The following RBFOX1 variants were observed in gnomAD, a reference collection of about 807,000 sequenced individuals.
The protein encoded by RBFOX1 is RNA binding fox-1 homolog 1, also known as RNA binding protein fox-1 homolog 1.
RBFOX1 carries 8 observed loss-of-function variants against 57.7 expected under a neutral mutation model. The observed-to-expected ratio is 0.14, with a 90% CI of 0.08 to 0.25. The LOEUF is 0.25. Ranked by LOEUF, RBFOX1 falls within the 10% of genes least tolerant of loss-of-function variation. The pLI, the probability that RBFOX1 is intolerant of heterozygous loss-of-function variation, is 1.00. For missense variants in RBFOX1, 611 were observed against 548.5 expected (o/e 1.11, Z -1.14); for synonymous variants, 326 against 222.4 (o/e 1.47, Z -4.15).
intron 4 of RBFOX1, among the ~76,000 whole-genome samples, chr16:7,246,955 C>G (rs2094326993): frequency 6.6e-6 from 1 of 152,136 alleles, no homozygotes; most frequent in Non-Finnish European, 1.5e-5. Flanking sequence ...AACAGTGTCT[C>G]CCACATTAGG....
chr16:7,023,701 G>T (rs994973093), intron 3 of RBFOX1, among the ~76,000 whole-genome samples: 3 of 151,760 alleles, frequency 2.0e-5, no homozygotes, highest in African/African-American at 7.3e-5. Context: ...AATCAGAGAT[G>T]GGTGTTACTT....
At chr16:6,994,051 GT>G (rs1356391432) in intron 3 of RBFOX1, among the ~76,000 whole-genome samples, 6 of 152,158 alleles carry the variant, frequency 3.9e-5, no homozygotes, top group African/African-American at 1.4e-4. Flanking sequence ...CCCTCTGGGA[GT>G]TTAACAAACA....
chr16:6,253,846 C>A (rs1169876356), intron 1 of RBFOX1, among the ~76,000 whole-genome samples: 4 of 152,090 alleles, frequency 2.6e-5, no homozygotes, highest in Non-Finnish European at 5.9e-5. Flanking sequence ...GCATTTAACT[C>A]CTTGCTTGCA....
chr16:5,669,685 T>G lies in RBFOX1; in HGVS notation c.318+70724T>G, dbSNP rs185753806. Among the ~76,000 whole-genome samples, 19 of 152,218 alleles carry G rather than the reference T, an allele frequency of 1.2e-4. No individual in the cohort carries two copies. The East Asian group carries it at 3.7e-3, about 29-fold the overall frequency. ...TGCCTGCCTTGGCCACCCAAAGTGG[T>G]GAGATTACAGGCGTGAGCCACCACG... On this transcript the variant is annotated intron_variant, in intron 3 of 19. Coordinates refer to the RBFOX1 transcript ENST00000641259.
chr16:6,395,081 T>C lies in RBFOX1; in HGVS notation c.-64+78024T>C, dbSNP rs151315656. On this transcript the variant is annotated intron_variant, in intron 2 of 15. Coordinates refer to ENST00000550418, the MANE Select transcript of RBFOX1 (RefSeq NM_018723.4). ...AGGCAATATTCTGACCTCAACATTA[T>C]GACTCACAAGACTCTGACCATGTCA... Among the ~76,000 whole-genome samples, 994 of 152,340 alleles carry C rather than the reference T, an allele frequency of 6.5e-3. 4 individuals are homozygous for C. Among genetic ancestry groups the C allele is most frequent in the Middle Eastern group, 0.017 (5 of 294 alleles).
At chr16:5,372,535 G>T (rs990408722) in intron 1 of RBFOX1, among the ~76,000 whole-genome samples, 2 of 152,202 alleles carry the variant, frequency 1.3e-5, no homozygotes, top group African/African-American at 4.8e-5. Context: ...TGGCACACAG[G>T]TTGGCCTACA....
intron 4 of RBFOX1, among the ~76,000 whole-genome samples, chr16:5,878,570 C>G (rs2057678511): frequency 6.6e-6 from 1 of 152,182 alleles, no homozygotes. Context: ...TCAACGCAAT[C>G]TTCTCCTGAT....
At chr16:7,325,429 C>G (rs2096598565) in intron 4 of RBFOX1, among the ~76,000 whole-genome samples, 1 of 152,122 alleles carries the variant, frequency 6.6e-6, no homozygotes, top group South Asian at 2.1e-4. Context: ...AACAAGGGAG[C>G]CAGGCATGGT....
At chr16:6,532,967 T>G (rs1371330284) in intron 2 of RBFOX1, among the ~76,000 whole-genome samples, 1 of 152,220 alleles carries the variant, frequency 6.6e-6, no homozygotes, top group African/African-American at 2.4e-5. Flanking sequence ...AGTGTCCCTG[T>G]GGAACATTGT....
intron 3 of RBFOX1, among the ~76,000 whole-genome samples, chr16:6,825,801 CAG>C (rs1314028865): frequency 6.6e-6 from 1 of 152,136 alleles, no homozygotes; most frequent in African/African-American, 2.4e-5. Context: ...AGGGTGGAGA[CAG>C]AGGCAGCGAT....
chr16:7,380,199 A>G (rs2097762662), intron 4 of RBFOX1, among the ~76,000 whole-genome samples: 1 of 152,178 alleles, frequency 6.6e-6, no homozygotes, highest in South Asian at 2.1e-4. Context: ...TCTGAACTAT[A>G]TCACATCATG....
intron 1 of RBFOX1, among the ~76,000 whole-genome samples, chr16:5,243,984 C>T (rs1413499689): frequency 6.6e-6 from 1 of 152,082 alleles, no homozygotes; most frequent in African/African-American, 2.4e-5. Flanking sequence ...GCAACCTCCA[C>T]CTCCTGGGCT....
chr16:7,321,207 C>T (rs955941563), intron 4 of RBFOX1, among the ~76,000 whole-genome samples: 10 of 152,008 alleles, frequency 6.6e-5, no homozygotes, highest in East Asian at 5.8e-4. Flanking sequence ...TGCAGTGGTG[C>T]GATCTCATCT....
intron 1 of RBFOX1, among the ~76,000 whole-genome samples, chr16:6,314,476 G>A (rs939964401): frequency 5.9e-5 from 9 of 152,214 alleles, no homozygotes; most frequent in African/African-American, 2.2e-4. Flanking sequence ...TTGGGTAGAT[G>A]TTCAAGTCTC....
intron 2 of RBFOX1, among the ~76,000 whole-genome samples, chr16:6,631,658 A>T (rs1602059814): frequency 6.6e-6 from 1 of 152,166 alleles, no homozygotes; most frequent in South Asian, 2.1e-4. Flanking sequence ...ATCAATGCAA[A>T]TAATGGTACG....
At chr16:5,384,585 A>T (rs512424) in intron 1 of RBFOX1, among the ~76,000 whole-genome samples, 81,365 of 151,964 alleles carry the variant, frequency 0.54, 22,149 homozygotes, top group Middle Eastern at 0.57. Flanking sequence ...AAATTTGAAT[A>T]TGACTCCAAA....
intron 4 of RBFOX1, among the ~76,000 whole-genome samples, chr16:5,916,175 A>G (rs925403833): frequency 1.3e-5 from 2 of 149,406 alleles, no homozygotes; most frequent in African/African-American, 4.9e-5. Context: ...TGGTGTCTGA[A>G]CTGTCTCCCT....
At chr16:5,597,774 G>A (rs904434868) in intron 2 of RBFOX1, among the ~76,000 whole-genome samples, 1 of 152,104 alleles carries the variant, frequency 6.6e-6, no homozygotes, top group South Asian at 2.1e-4. Flanking sequence ...GCTGTACCTC[G>A]TGGAAAGGTG....
intron 14 of RBFOX1, among the ~76,000 whole-genome samples, chr16:7,683,713 C>T (rs993992679): frequency 6.6e-6 from 1 of 152,008 alleles, no homozygotes; most frequent in South Asian, 2.1e-4. Context: ...CCTGTCTTTT[C>T]AGTAGCAGCA....
Sources: allele counts gnomAD v4.1 joint callset (sites outside exome capture counted in the v4.1 genomes callset), GRCh38; gene constraint gnomAD v4.1.1; transcripts MANE v1.5; gene names NCBI Gene and HGNC (gene_info 2026-07-23, HGNC 2026-07-21).